Variants in LSM14B observed in about 807,000 individuals in gnomAD.
The protein encoded by LSM14B is protein LSM14 homolog B.
LSM14B carries 8 observed loss-of-function variants against 42.1 expected under a neutral mutation model. That is an observed-to-expected ratio of 0.19 (90% CI 0.11 to 0.34). The LOEUF is 0.34. Ranked by LOEUF, LSM14B falls within the 10% of genes least tolerant of loss-of-function variation. The probability of loss-of-function intolerance (pLI) is 1.00; values close to 1 mark genes in which losing one functional copy is unlikely to be tolerated. For missense variants in LSM14B, 396 were observed against 513.1 expected (o/e 0.77, Z 2.21); for synonymous variants, 219 against 209.7 (o/e 1.04, Z -0.38).
At chr20:62,128,920 G>GT in intron 3 of LSM14B, 1 of 1,296,150 alleles carries the variant, frequency 7.7e-7, no homozygotes, top group Non-Finnish European at 1.0e-6. Flanking sequence ...TTACCCTGTG[G>GT]TTAGGGTGCC....
At position 62,122,571 on chromosome 20, in the gene LSM14B, C is replaced by T; in HGVS notation, c.-96C>T. On this transcript the variant is annotated 5_prime_UTR_variant, in exon 1 of 9. Transcript: ENST00000279068. This position sits in a 1 kb window ranked among gnomAD's most constrained non-coding sequence, Gnocchi z 4.6. ...GCGGAGGCGGCGGCGGGCGGAGGAGCGCAGGAGCGGGCGGCCAGGCCACCG... is the reference window on the plus strand; with the variant it reads ...GCGGAGGCGGCGGCGGGCGGAGGAGTGCAGGAGCGGGCGGCCAGGCCACCG... 2 of 895,384 alleles carry T rather than the reference C, an allele frequency of 2.2e-6. No homozygotes were observed. Among genetic ancestry groups the T allele is most frequent in the Non-Finnish European group, 2.7e-6 (2 of 743,960 alleles). The allele number at this position is 895,384 out of a possible 1,614,324, so 55.5% of individuals were successfully genotyped here.
chr20:62,134,112 A>G, intron 8 of LSM14B, 51 bp from the exon 9 acceptor site: 8 of 390,474 alleles, frequency 2.0e-5, no homozygotes, highest in South Asian at 1.6e-4. Flanking sequence ...AGCAGGGGCA[A>G]CAGTGCTAGC....
chr20:62,133,287 T>C lies in LSM14B; in HGVS notation c.987-3T>C. 6.2e-7 allele frequency: 1 copy of C among 1,613,070 alleles called. No homozygotes were observed. Among genetic ancestry groups the C allele is most frequent in the East Asian group, 2.2e-5 (1 of 44,780 alleles). On this transcript the variant is annotated splice_region_variant and splice_polypyrimidine_tract_variant and intron_variant, in intron 7 of 8. Coordinates refer to ENST00000279068, the MANE Select transcript of LSM14B (RefSeq NM_144703.3). ...TACAATCAGCATTTCCTCTGTGGTT[T>C]AGCTCCAGGCGGACGACGTGGGCCG...
chr20:62,131,271 C>A, intron 6 of LSM14B, 85 bp from the exon 7 acceptor site: 3 of 1,460,984 alleles, frequency 2.1e-6, no homozygotes, highest in Non-Finnish European at 2.7e-6. Flanking sequence ...GGGTGGCTTC[C>A]GAGTGAGCCC....
Position 62,134,558 on chromosome 20 carries a change from CTG to C in LSM14B, c.*412_*413del. 1 of 285,796 alleles carries C rather than the reference CTG, an allele frequency of 3.5e-6. No homozygotes were observed. Among genetic ancestry groups the C allele is most frequent in the Non-Finnish European group, 6.6e-6 (1 of 151,208 alleles). 17.7% of individuals were successfully genotyped at this position (285,796 alleles called of 1,614,324 possible). ...GCAGAGGTGGCAGCCAAGTACATCTCTGTAACCCAGCTGGCCCCTGGTGCTGT... is the reference window on the plus strand; with the variant it reads ...GCAGAGGTGGCAGCCAAGTACATCTCTAACCCAGCTGGCCCCTGGTGCTGT... On this transcript the variant is annotated 3_prime_UTR_variant, in exon 9 of 9. Transcript: ENST00000279068.
At chr20:62,131,583 G>C in intron 7 of LSM14B, 77 bp downstream of exon 7, 1 of 1,560,272 alleles carries the variant, frequency 6.4e-7, no homozygotes, top group Non-Finnish European at 8.7e-7. Flanking sequence ...CAACCTGAGG[G>C]CAGAGCTGGA....
chr20:62,127,504 A>G (rs1313422620), intron 3 of LSM14B: 8 of 1,024,002 alleles, frequency 7.8e-6, no homozygotes, highest in Non-Finnish European at 1.2e-5. Flanking sequence ...GGCTCTTTCC[A>G]AGCTTGCTAG....
intron 3 of LSM14B, 150 bp from the exon 4 acceptor site, chr20:62,129,635 G>C (rs2056705302): frequency 1.1e-6 from 1 of 872,594 alleles, no homozygotes; most frequent in Non-Finnish European, 1.7e-6. Context: ...GAATGGCCCA[G>C]TCTGGGGGTG....
rs1291339866 is a variant in LSM14B, at chr20:62,130,116, C to T, written c.596-103C>T. ...TGTGCAGCAGCCTCCTGCGGTGCCG[C>T]CCTGGCCGCGTGCCCCATGGTGGTG... On this transcript the variant is annotated intron_variant, in intron 4 of 8. Coordinates refer to ENST00000279068, the MANE Select transcript of LSM14B (RefSeq NM_144703.3). The surrounding 1 kb of genome is among the most constrained non-coding windows in gnomAD (Gnocchi z 4.1). 2 of 1,493,180 alleles carry T rather than the reference C, an allele frequency of 1.3e-6. No individual in the cohort carries two copies. Among genetic ancestry groups the T allele is most frequent in the East Asian group, 2.5e-5 (1 of 40,628 alleles). 92.5% of individuals were successfully genotyped at this position (1,493,180 alleles called of 1,614,324 possible).
At chr20:62,127,630 G>T in intron 3 of LSM14B, 1 of 1,551,212 alleles carries the variant, frequency 6.4e-7, no homozygotes, top group Non-Finnish European at 8.7e-7. Context: ...TCCAGCCCTA[G>T]CTCTTCTCCA....
chr20:62,124,506 T>G, intron 1 of LSM14B, 111 bp from the exon 2 acceptor site: 1 of 1,161,964 alleles, frequency 8.6e-7, no homozygotes, highest in Non-Finnish European at 1.2e-6. Context: ...GGTGCTGTGT[T>G]GTGGCTCTGA....
rs1275622577 is a variant in LSM14B at position 62,130,862 on chromosome 20, A to G, written c.835+171A>G. On this transcript the variant is annotated intron_variant, in intron 6 of 8. Coordinates refer to ENST00000279068, the MANE Select transcript of LSM14B (RefSeq NM_144703.3). This position sits in a 1 kb window ranked among gnomAD's most constrained non-coding sequence, Gnocchi z 4.1. ...AGTTCAACACCAGCCTGGCCAACAC[A>G]ATGAAACCCCATCTGTACTAAAAAT... is the stretch of plus-strand genomic sequence containing the variant. Among the ~76,000 whole-genome samples the G allele has an allele frequency of 6.6e-6, 1 of 152,018 alleles. No homozygotes were observed. Among genetic ancestry groups the G allele is most frequent in the Non-Finnish European group, 1.5e-5 (1 of 67,992 alleles).
rs777831192 is a variant in LSM14B at position 62,130,247 on chromosome 20, T to C, written c.624T>C (p.Ala208=). ...SDVVQPAAVQ[A]QGQVNDENRR... is the part of the protein sequence containing the mutation. The stretch of plus-strand genomic sequence containing the variant: ...TAGTCCAGCCGGCAGCTGTGCAAGC[T>C]CAAGGGCAGGTGAATGACGAGAACA... Residue 208 remains alanine, a synonymous_variant, in exon 5 of 9, where the codon GCT becomes GCC. Coordinates refer to ENST00000279068, the MANE Select transcript of LSM14B (RefSeq NM_144703.3). The surrounding 1 kb of genome is among the most constrained non-coding windows in gnomAD (Gnocchi z 4.1). The C allele has an allele frequency of 1.9e-6, 3 of 1,605,330 alleles. No homozygotes were observed. Among genetic ancestry groups the C allele is most frequent in the African/African-American group, 2.7e-5 (2 of 74,720 alleles).
rs201933120 is a variant in LSM14B, at chr20:62,124,759, G to A, written c.270G>A (p.Pro90=). ...CTCCGAAAGCTCAGCACACACTCCC[G>A]CAGGATCCCGCCATTGTTCAGGTAA... ...CEPPKAQHTL[P]QDPAIVQSSL... Residue 90 remains proline (P), a synonymous_variant, in exon 2 of 9, where the codon CCG becomes CCA. Coordinates refer to ENST00000279068, the MANE Select transcript of LSM14B (RefSeq NM_144703.3). 17 of 1,612,688 alleles carry A rather than the reference G, an allele frequency of 1.1e-5. No individual in the cohort carries two copies. Among genetic ancestry groups the A allele is most frequent in the African/African-American group, 4.0e-5 (3 of 74,882 alleles).
In LSM14B at chr20:62,130,734, C is replaced by A; in HGVS notation, c.835+43C>A. 1 of 1,589,650 alleles carries A rather than the reference C, an allele frequency of 6.3e-7. No homozygotes were observed. Among genetic ancestry groups the A allele is most frequent in the Non-Finnish European group, 8.6e-7 (1 of 1,168,252 alleles). On this transcript the variant is annotated intron_variant, in intron 6 of 8. Transcript: ENST00000279068. The surrounding 1 kb of genome is among the most constrained non-coding windows in gnomAD (Gnocchi z 4.1). ...AAAATTATTCTCTGCACAGGAGTACCCCTAGAGAGTGTTAGGAGGAGATGC... is the reference window on the plus strand; with the variant it reads ...AAAATTATTCTCTGCACAGGAGTACACCTAGAGAGTGTTAGGAGGAGATGC...
intron 1 of LSM14B, among the ~76,000 whole-genome samples, chr20:62,124,236 C>T: frequency 6.6e-6 from 1 of 152,388 alleles, no homozygotes; most frequent in Non-Finnish European, 1.5e-5. Flanking sequence ...TGCGGTGAGG[C>T]TTTGGGCATA....
At chr20:62,127,568 C>G (rs1489534179) in intron 3 of LSM14B, 7 of 1,525,412 alleles carry the variant, frequency 4.6e-6, no homozygotes, top group Non-Finnish European at 6.2e-6. Flanking sequence ...TGCTCTTTCT[C>G]CTTTATCTTC....
chr20:62,130,726 A>T lies in LSM14B; in HGVS notation c.835+35A>T. 4 of 1,602,188 alleles carry T rather than the reference A, an allele frequency of 2.5e-6. No individual in the cohort carries two copies. Among genetic ancestry groups the T allele is most frequent in the Non-Finnish European group, 3.4e-6 (4 of 1,175,070 alleles). On this transcript the variant is annotated intron_variant, in intron 6 of 8. Coordinates refer to ENST00000279068, the MANE Select transcript of LSM14B (RefSeq NM_144703.3). This position sits in a 1 kb window ranked among gnomAD's most constrained non-coding sequence, Gnocchi z 4.1. ...ATTATATGAAAATTATTCTCTGCAC[A>T]GGAGTACCCCTAGAGAGTGTTAGGA...
chr20:62,130,185 G>T lies in LSM14B; in HGVS notation c.596-34G>T. 1 of 1,566,230 alleles carries T rather than the reference G, an allele frequency of 6.4e-7. No homozygotes were observed. On this transcript the variant is annotated intron_variant, in intron 4 of 8. Coordinates refer to ENST00000279068, the MANE Select transcript of LSM14B (RefSeq NM_144703.3). The surrounding 1 kb of genome is among the most constrained non-coding windows in gnomAD (Gnocchi z 4.1). ...GGGTTCTGGCTTCCGGCTGCTATAG[G>T]AGCTTTGCCTTACTCTTCCCTTTTG...
Sources: allele counts gnomAD v4.1 joint callset (sites outside exome capture counted in the v4.1 genomes callset), GRCh38; gene constraint gnomAD v4.1.1; non-coding constraint Gnocchi (gnomAD v3.1); transcripts MANE v1.5; gene names NCBI Gene and HGNC (gene_info 2026-07-23, HGNC 2026-07-21).